Variants in ITIH5 observed in about 807,000 individuals in gnomAD.
ITIH5 encodes inter-alpha-trypsin inhibitor heavy chain H5.
A neutral mutation model predicts 77.5 loss-of-function variants in ITIH5; 65 were observed. The observed-to-expected ratio is 0.84, with a 90% confidence interval of 0.69 to 1.03. ITIH5 has a LOEUF of 1.03. Ranked by LOEUF, ITIH5 falls within the 50% of genes least tolerant of loss-of-function variation. The probability of loss-of-function intolerance (pLI) is 0.00; values close to 1 mark genes in which losing one functional copy is unlikely to be tolerated. For missense variants in ITIH5, 1,208 were observed against 1,213.1 expected, an observed-to-expected ratio of 1.00 and a Z score of 0.06; for synonymous variants, 525 against 494.3, an observed-to-expected ratio of 1.06 and a Z score of -0.82.
In ITIH5 at chr10:7,580,084, A is replaced by T. The variant is rs12256183; in HGVS notation, c.1109-20T>A. 6.4e-7 allele frequency: 1 copy of T among 1,571,282 alleles called. No individual in the cohort carries two copies. Among genetic ancestry groups the T allele is most frequent in the East Asian group, 2.3e-5 (1 of 42,710 alleles). On this transcript the variant is annotated intron_variant, in intron 8 of 13. Coordinates refer to ENST00000397146, the MANE Select transcript of ITIH5 (RefSeq NM_030569.7). ...CTGTGCCTGCAGGACACCAACACGGAACAGCTCAAGCCTCTGCACTCACCT... is the reference window on the plus strand; with the variant it reads ...CTGTGCCTGCAGGACACCAACACGGTACAGCTCAAGCCTCTGCACTCACCT...
chr10:7,576,285 A>G (rs1277781203), intron 10 of ITIH5, among the ~76,000 whole-genome samples, 168 bp downstream of exon 10: 1 of 152,136 alleles, frequency 6.6e-6, no homozygotes, highest in Non-Finnish European at 1.5e-5. Flanking sequence ...CAGCCTCCCA[A>G]AGTGCTGGGA....
chr10:7,656,598 T>C (rs919634729), intron 1 of ITIH5, among the ~76,000 whole-genome samples: 29 of 152,298 alleles, frequency 1.9e-4, no homozygotes, highest in African/African-American at 7.0e-4. Flanking sequence ...GCTGATTATA[T>C]GGATGTTACT....
At chr10:7,644,230 C>T (rs1337420190) in intron 2 of ITIH5, among the ~76,000 whole-genome samples, 1 of 145,656 alleles carries the variant, frequency 6.9e-6, no homozygotes, top group Non-Finnish European at 1.5e-5. Flanking sequence ...AGAGCAAGAC[C>T]CTGTCACAGA....
At chr10:7,597,714 C>T (rs1212453592) in intron 7 of ITIH5, among the ~76,000 whole-genome samples, 1 of 152,150 alleles carries the variant, frequency 6.6e-6, no homozygotes, top group African/African-American at 2.4e-5. Flanking sequence ...CATGACTTGC[C>T]AAGGGATGTC....
intron 5 of ITIH5, among the ~76,000 whole-genome samples, chr10:7,629,241 GCGTGTGTC>G (rs1833661794): frequency 6.9e-6 from 1 of 145,710 alleles, no homozygotes; most frequent in African/African-American, 2.5e-5. Flanking sequence ...CCATGTTGTA[GCGTGTGTC>G]CATGTTGTAG....
rs577141129 is a variant in ITIH5, at chr10:7,588,148, CT to C, written c.940-2080del. The stretch of plus-strand genomic sequence containing the variant: ...CCTCTAATCCCAACACTTTGGGAGG[CT>C]GAGGCAGGCGGATCACTTAAGGTCA... On this transcript the variant is annotated intron_variant, in intron 7 of 13. Coordinates refer to ENST00000397146, the MANE Select transcript of ITIH5 (RefSeq NM_030569.7). Among the ~76,000 whole-genome samples the C allele has an allele frequency of 1.2e-3, 182 of 152,350 alleles. 1 individual carries two copies. Among genetic ancestry groups the C allele is most frequent in the African/African-American group, 4.0e-3 (167 of 41,582 alleles).
intron 10 of ITIH5, among the ~76,000 whole-genome samples, chr10:7,575,512 C>T (rs2130954697): frequency 6.6e-6 from 1 of 152,226 alleles, no homozygotes; most frequent in African/African-American, 2.4e-5. Context: ...ATGTGAAACG[C>T]GATTTTCCAC....
At position 7,649,268 on chromosome 10, in the gene ITIH5, CCTT is replaced by C. The variant is rs201413842; in HGVS notation, c.135+6360_135+6362del. Among the ~76,000 whole-genome samples the C allele has an allele frequency of 5.0e-4, 75 of 151,494 alleles. 1 individual carries two copies. In the East Asian group the frequency reaches 0.012, roughly 24 times the overall value. ...TCTTCCTCCTTTCTTCTTTCTTCCC[CCTT>C]CTTCTTCTTATTCTTTCTTCTTCCT... On this transcript the variant is annotated intron_variant, in intron 2 of 13. Coordinates refer to ENST00000397146, the MANE Select transcript of ITIH5 (RefSeq NM_030569.7).
chr10:7,566,940 C>T (rs544017642), intron 12 of ITIH5, among the ~76,000 whole-genome samples: 3 of 149,582 alleles, frequency 2.0e-5, no homozygotes, highest in African/African-American at 7.4e-5. Flanking sequence ...GAAAATCTAT[C>T]CCTGCCCAAC....
intron 8 of ITIH5, among the ~76,000 whole-genome samples, chr10:7,584,899 T>C (rs1832642603): frequency 6.6e-6 from 1 of 152,196 alleles, no homozygotes; most frequent in African/African-American, 2.4e-5. Flanking sequence ...TAGATTATAC[T>C]GTTTGGGAGG....
At chr10:7,587,890 G>A (rs1213404107) in intron 7 of ITIH5, among the ~76,000 whole-genome samples, 3 of 152,134 alleles carry the variant, frequency 2.0e-5, no homozygotes, top group Non-Finnish European at 2.9e-5. Context: ...TCAGACAGAT[G>A]GCCCCGTCGG....
chr10:7,601,975 C>T (rs1229741671), intron 7 of ITIH5, among the ~76,000 whole-genome samples: 2 of 152,120 alleles, frequency 1.3e-5, no homozygotes, highest in Non-Finnish European at 2.9e-5. Flanking sequence ...GCCTCATCCT[C>T]CTGAGCAGCT....
chr10:7,576,833 C>CT lies in ITIH5; in HGVS notation c.1597dup (p.Ser533LysfsTer4). 6.2e-7 allele frequency: 1 copy of CT among 1,614,192 alleles called. No individual in the cohort carries two copies. Among genetic ancestry groups the CT allele is most frequent in the South Asian group, 1.1e-5 (1 of 91,072 alleles). ...CAGGATGATGAATTTCTTACTGTTG[C>CT]TGGCGGTGACCTCCACGTGCAGGTG... On this transcript the variant is annotated frameshift_variant, in exon 10 of 14. Coordinates refer to ENST00000397146, the MANE Select transcript of ITIH5 (RefSeq NM_030569.7). LOFTEE classifies it high-confidence loss of function.
intron 11 of ITIH5, chr10:7,570,406 G>A (rs1192917973): frequency 6.6e-6 from 1 of 152,222 alleles, no homozygotes; most frequent in Admixed American, 6.5e-5. Flanking sequence ...CCTCCTTTGG[G>A]TCACTCCGAC....
intron 1 of ITIH5, among the ~76,000 whole-genome samples, chr10:7,661,509 C>T (rs750228064): frequency 2.0e-5 from 3 of 152,114 alleles, no homozygotes; most frequent in African/African-American, 7.2e-5. Flanking sequence ...GGGCTGAGAA[C>T]GGTTAGTCTG....
At position 7,661,397 on chromosome 10, in the gene ITIH5, C is replaced by T. The variant is rs117397833; in HGVS notation, c.90+5406G>A. Reference sequence around the variant, plus strand: ...CATTCTGAAATGCTGAAACCCAAACCGAGAAACTTAAGGGCCAATTACCTT... The same window carrying T: ...CATTCTGAAATGCTGAAACCCAAACTGAGAAACTTAAGGGCCAATTACCTT... On this transcript the variant is annotated intron_variant, in intron 1 of 13. Coordinates refer to ENST00000397146, the MANE Select transcript of ITIH5 (RefSeq NM_030569.7). Among the ~76,000 whole-genome samples, 217 of 152,220 alleles carry T rather than the reference C, an allele frequency of 1.4e-3. 6 individuals carry two copies. In the East Asian group the frequency reaches 0.032, roughly 23 times the overall value.
intron 1 of ITIH5, among the ~76,000 whole-genome samples, chr10:7,666,130 C>A (rs1333692571): frequency 1.3e-5 from 2 of 152,164 alleles, no homozygotes; most frequent in African/African-American, 4.8e-5. Context: ...TTTGTGTGAA[C>A]CCGCTTCATA....
At chr10:7,654,946 G>A (rs1446364106) in intron 2 of ITIH5, among the ~76,000 whole-genome samples, 3 of 140,640 alleles carry the variant, frequency 2.1e-5, no homozygotes, top group African/African-American at 8.0e-5. Context: ...AAGGAGATGA[G>A]AAAACCAAGC....
chr10:7,609,388 C>T (rs1322386689), intron 7 of ITIH5: 2 of 452,550 alleles, frequency 4.4e-6, no homozygotes, highest in African/African-American at 4.0e-5. Flanking sequence ...ACAAGATGTT[C>T]CCCAAGTCCA....
Sources: allele counts gnomAD v4.1 joint callset (sites outside exome capture counted in the v4.1 genomes callset), GRCh38; gene constraint gnomAD v4.1.1; transcripts MANE v1.5; gene names NCBI Gene and HGNC (gene_info 2026-07-23, HGNC 2026-07-21).